The following MCC variants were observed in gnomAD, a reference collection of about 807,000 sequenced individuals.
MCC encodes MCC regulator of Wnt signaling pathway.
MCC carries 90 observed loss-of-function variants against 116.2 expected under a neutral mutation model. That is an observed-to-expected ratio of 0.77 (90% CI 0.65 to 0.92). MCC has a LOEUF of 0.92. MCC is among the 40% of genes least tolerant of loss of function. MCC has a pLI of 0.00. For synonymous variants in MCC, 578 were observed against 510.5 expected, an observed-to-expected ratio of 1.13 and a Z score of -1.78; for missense variants, 1,516 against 1,312.2, an observed-to-expected ratio of 1.16 and a Z score of -2.40.
At chr5:113,055,908 C>T (rs1156310800) in intron 14 of MCC, among the ~76,000 whole-genome samples, 1 of 152,228 alleles carries the variant, frequency 6.6e-6, no homozygotes, top group East Asian at 1.9e-4. Context: ...GGAAAAAATT[C>T]TTCCTCCAGA....
intron 8 of MCC, among the ~76,000 whole-genome samples, chr5:113,100,780 C>T (rs1756357896): frequency 6.6e-6 from 1 of 152,038 alleles, no homozygotes; most frequent in South Asian, 2.1e-4. Context: ...CAGTATTTTT[C>T]CCCTTCTAAG....
chr5:113,208,167 C>T (rs551150166), intron 3 of MCC, among the ~76,000 whole-genome samples: 1 of 152,256 alleles, frequency 6.6e-6, no homozygotes, highest in Admixed American at 6.5e-5. Flanking sequence ...GGCCTGTGAA[C>T]TTTCTTTTGA....
intron 17 of MCC, among the ~76,000 whole-genome samples, chr5:113,037,319 G>C (rs1480001972): frequency 6.6e-6 from 1 of 152,202 alleles, no homozygotes; most frequent in South Asian, 2.1e-4. Context: ...CTTGGACATG[G>C]ATTTGAACTC....
At chr5:113,466,090 G>C (rs961677081) in intron 1 of MCC, among the ~76,000 whole-genome samples, 3 of 152,052 alleles carry the variant, frequency 2.0e-5, no homozygotes, top group Non-Finnish European at 4.4e-5. Flanking sequence ...GGAACAGTGT[G>C]AGCCATAGCT....
chr5:113,218,698 T>A (rs962179483), intron 3 of MCC, among the ~76,000 whole-genome samples: 17 of 152,216 alleles, frequency 1.1e-4, no homozygotes, highest in African/African-American at 4.1e-4. Context: ...GATTTTAGAA[T>A]ATAAATATCC....
At chr5:113,212,561 C>T (rs1249638318) in intron 3 of MCC, among the ~76,000 whole-genome samples, 2 of 152,154 alleles carry the variant, frequency 1.3e-5, no homozygotes, top group Admixed American at 6.5e-5. Context: ...AAAATGCAAG[C>T]CTCTAGATAT....
intron 8 of MCC, among the ~76,000 whole-genome samples, chr5:113,096,829 A>G (rs1756055195): frequency 6.6e-6 from 1 of 152,182 alleles, no homozygotes; most frequent in African/African-American, 2.4e-5. Flanking sequence ...GTTATTGCAG[A>G]AAAATCTAGC....
intron 3 of MCC, among the ~76,000 whole-genome samples, chr5:113,275,348 G>C (rs373143112): frequency 4.6e-5 from 7 of 152,162 alleles, no homozygotes; most frequent in Non-Finnish European, 1.0e-4. Context: ...CAGTACACTT[G>C]TAGTTAGCAA....
intron 5 of MCC, among the ~76,000 whole-genome samples, chr5:113,132,165 A>C (rs572728304): frequency 1.3e-5 from 2 of 151,734 alleles, no homozygotes; most frequent in African/African-American, 2.4e-5. Flanking sequence ...GGAACTTTAC[A>C]AGGATTCAAT....
In MCC at chr5:113,143,271, G is replaced by A. The variant is rs1240310647; in HGVS notation, c.831C>T (p.Ser277=). Residue 277 remains serine (S), a synonymous_variant, in exon 5 of 19, where the codon AGC becomes AGT. Coordinates refer to ENST00000408903, the MANE Select transcript of MCC (RefSeq NM_001085377.2). ...RYEERITELH[S]VIAELNKKID... ...TCTTCTTGTTGAGCTCCGCAATGAC[G>A]CTGTGGAGCTCTGTGATGCGTTCCT... 8.1e-6 allele frequency: 13 copies of A among 1,613,154 alleles called. No individual in the cohort carries two copies. The highest frequency in any genetic ancestry group is 5.0e-5 in the Admixed American group (3 of 59,868).
chr5:113,439,660 GTTAATC>G (rs1210917732), intron 1 of MCC, among the ~76,000 whole-genome samples: 1 of 152,106 alleles, frequency 6.6e-6, no homozygotes, highest in African/African-American at 2.4e-5. Context: ...GCCTGTGGTG[GTTAATC>G]TTATGTTGTG....
rs147584118 is a variant in MCC at position 113,460,942 on chromosome 5, G to A, written c.170+27303C>T. Among the ~76,000 whole-genome samples the A allele has an allele frequency of 1.3e-3, 199 of 152,254 alleles. 3 individuals carry two copies. The highest frequency in any genetic ancestry group is 0.011 in the Admixed American group (172 of 15,282). ...AAGTACTGGTTTATGGCACTTTATCGCATTTATTTTATTTAAGAAATAGTT... is the reference window on the plus strand; with the variant it reads ...AAGTACTGGTTTATGGCACTTTATCACATTTATTTTATTTAAGAAATAGTT... On this transcript the variant is annotated intron_variant, in intron 1 of 18. Coordinates refer to ENST00000408903, the MANE Select transcript of MCC (RefSeq NM_001085377.2).
At chr5:113,353,958 C>T (rs905868526) in intron 2 of MCC, among the ~76,000 whole-genome samples, 1 of 152,186 alleles carries the variant, frequency 6.6e-6, no homozygotes, top group Non-Finnish European at 1.5e-5. Context: ...TACCACTGTT[C>T]CATTGTCCAC....
In MCC at chr5:113,333,844, T is replaced by TATGTAC. The variant is rs1767791371; in HGVS notation, c.627+6674_627+6675insGTACAT. ...ACATATATGTATATATGTATATATGTATATATGTACATATATGTATATATG... is the reference window on the plus strand; with the variant it reads ...ACATATATGTATATATGTATATATGTATGTACATATATGTACATATATGTATATATG... On this transcript the variant is annotated intron_variant, in intron 3 of 18. Coordinates refer to ENST00000408903, the MANE Select transcript of MCC (RefSeq NM_001085377.2). 1.2e-3 allele frequency among the ~76,000 whole-genome samples: 65 copies of TATGTAC among 52,166 alleles called. 15 individuals carry two copies. Among genetic ancestry groups the TATGTAC allele is most frequent in the African/African-American group, 3.9e-3 (64 of 16,212 alleles). 34.2% of individuals were successfully genotyped at this position (52,166 alleles called of 152,430 possible).
intron 3 of MCC, among the ~76,000 whole-genome samples, chr5:113,202,594 G>A (rs538083439): frequency 6.6e-6 from 1 of 152,126 alleles, no homozygotes; most frequent in African/African-American, 2.4e-5. Flanking sequence ...AAACACACAC[G>A]CTTATACACA....
intron 11 of MCC, among the ~76,000 whole-genome samples, chr5:113,080,166 A>G (rs1400939017): frequency 6.6e-6 from 1 of 152,256 alleles, no homozygotes; most frequent in Non-Finnish European, 1.5e-5. Context: ...GGTGCTGGAA[A>G]GGATGTGGAG....
chr5:113,143,240 G>A lies in MCC; in HGVS notation c.862C>T (p.Arg288Cys), dbSNP rs78247526. The change falls in exon 5 of 19, where the codon CGT becomes TGT. Residue 288 changes from arginine (R) to cysteine (C), a missense_variant. Coordinates refer to ENST00000408903, the MANE Select transcript of MCC (RefSeq NM_001085377.2). ...TACCTGATGGTGGTGCCTTGCAGAC[G>A]GTCTATCTTCTTGTTGAGCTCCGCA... ...VIAELNKKIDRLQGTTIREED... is the reference protein window; with the variant it reads ...VIAELNKKIDCLQGTTIREED... 7.3e-5 allele frequency: 117 copies of A among 1,608,282 alleles called. No homozygotes were observed. The East Asian group carries it at 1.8e-3, about 24-fold the overall frequency.
intron 1 of MCC, among the ~76,000 whole-genome samples, chr5:113,469,298 C>T (rs1772010433): frequency 4.6e-5 from 7 of 152,118 alleles, no homozygotes; most frequent in Admixed American, 4.6e-4. Context: ...TAGATCTTTC[C>T]TGCTTTCTCT....
rs530384826 is a variant in MCC, at chr5:113,340,470, G to A, written c.627+49C>T. ...GCACAAAATTAAAATATTTGTATTG[G>A]AATACAGACAGGCCGAAATATGTAT... On this transcript the variant is annotated intron_variant, in intron 3 of 18. Coordinates refer to ENST00000408903, the MANE Select transcript of MCC (RefSeq NM_001085377.2). 220 of 1,482,966 alleles carry A rather than the reference G, an allele frequency of 1.5e-4. No homozygotes were observed. In the African/African-American group the frequency reaches 2.7e-3, roughly 18 times the overall value. 91.9% of individuals were successfully genotyped at this position (1,482,966 alleles called of 1,614,324 possible). A position where few individuals can be genotyped will look rare whatever the true frequency, so the allele number is the denominator to read the frequency against.
Sources: gnomAD v4.1 joint callset for allele counts (sites outside exome capture counted in the v4.1 genomes callset) on GRCh38, gnomAD v4.1.1 for gene constraint, MANE v1.5 for transcripts, NCBI Gene and HGNC (gene_info 2026-07-23, HGNC 2026-07-21) for gene names.